NRG3: variants seen among roughly 807,000 people sequenced by gnomAD.
NRG3 encodes neuregulin 3.
Under a neutral mutation model 66.9 loss-of-function variants are expected in NRG3, and 31 were observed. The ratio of observed to expected loss-of-function variants is 0.46; its 90% CI spans 0.35 to 0.63. NRG3 has a LOEUF of 0.63. Ranked by LOEUF, NRG3 falls within the 20% of genes least tolerant of loss-of-function variation. The probability of loss-of-function intolerance (pLI) is 0.00; values close to 1 mark genes in which losing one functional copy is unlikely to be tolerated. For synonymous variants in NRG3, 393 were observed against 359.4 expected (o/e 1.09, Z -1.06); for missense variants, 910 against 878.9 (o/e 1.04, Z -0.45).
intron 1 of NRG3, among the ~76,000 whole-genome samples, chr10:82,220,837 AT>A (rs1423426967): frequency 1.3e-5 from 2 of 152,146 alleles, no homozygotes; most frequent in African/African-American, 4.8e-5. Flanking sequence ...CTACAAAAAA[AT>A]ATTTAAAAAT....
At chr10:82,160,433 A>G (rs1347113756) in intron 1 of NRG3, among the ~76,000 whole-genome samples, 1 of 151,978 alleles carries the variant, frequency 6.6e-6, no homozygotes, top group African/African-American at 2.4e-5. Context: ...TGTCATGGCT[A>G]TACAGATGAA....
intron 2 of NRG3, among the ~76,000 whole-genome samples, chr10:82,374,950 AC>A (rs1044454863): frequency 9.9e-5 from 15 of 152,206 alleles, no homozygotes; most frequent in African/African-American, 3.6e-4. Context: ...ATCTCTGGGC[AC>A]CTGCGACACA....
chr10:82,305,077 C>T (rs2080645911), intron 1 of NRG3, among the ~76,000 whole-genome samples: 1 of 144,352 alleles, frequency 6.9e-6, no homozygotes, highest in African/African-American at 2.6e-5. Flanking sequence ...TCACTGCAAG[C>T]TCCGCCTCCT....
At chr10:82,102,018 TACGCACAC>T (rs2066754546) in intron 1 of NRG3, among the ~76,000 whole-genome samples, 7 of 145,150 alleles carry the variant, frequency 4.8e-5, no homozygotes, top group Admixed American at 6.9e-5. Flanking sequence ...TATATATATA[TACGCACAC>T]ATATATATGC....
intron 2 of NRG3, among the ~76,000 whole-genome samples, chr10:82,677,378 A>G (rs1470548347): frequency 1.3e-5 from 2 of 152,104 alleles, no homozygotes; most frequent in East Asian, 3.9e-4. Context: ...GGGGTGGTTG[A>G]AAGTTTTGGG....
At chr10:82,134,959 C>G (rs1459377828) in intron 1 of NRG3, among the ~76,000 whole-genome samples, 1 of 151,626 alleles carries the variant, frequency 6.6e-6, no homozygotes, top group East Asian at 2.0e-4. Flanking sequence ...CTCATCTCTA[C>G]TAAAAAATAC....
At chr10:82,163,663 G>T (rs528509309) in intron 1 of NRG3, among the ~76,000 whole-genome samples, 1 of 152,248 alleles carries the variant, frequency 6.6e-6, no homozygotes, top group East Asian at 1.9e-4. Flanking sequence ...TCTCTGTGAA[G>T]GCTGAGGAGG....
intron 2 of NRG3, among the ~76,000 whole-genome samples, chr10:82,497,173 A>G (rs1843704125): frequency 6.6e-6 from 1 of 152,174 alleles, no homozygotes; most frequent in African/African-American, 2.4e-5. Context: ...GGCTCTCTTC[A>G]TCCTTCTCGT....
chr10:82,549,166 G>T (rs540045605), intron 2 of NRG3, among the ~76,000 whole-genome samples: 18 of 152,248 alleles, frequency 1.2e-4, no homozygotes, highest in Non-Finnish European at 1.6e-4. Context: ...CTCATTTGAA[G>T]ATTAGACAAA....
intron 2 of NRG3, among the ~76,000 whole-genome samples, chr10:82,545,112 AG>A (rs2043804893): frequency 6.6e-6 from 1 of 152,178 alleles, no homozygotes; most frequent in Non-Finnish European, 1.5e-5. Context: ...ACTGTGACCT[AG>A]AATACTCCTT....
intron 1 of NRG3, among the ~76,000 whole-genome samples, chr10:82,352,113 T>G (rs572760516): frequency 1.2e-4 from 18 of 152,344 alleles, no homozygotes; most frequent in African/African-American, 3.6e-4. Context: ...TGTGAGGATA[T>G]TCATTCAATA....
At chr10:82,967,251 A>G (rs1851298654) in intron 6 of NRG3, among the ~76,000 whole-genome samples, 1 of 151,470 alleles carries the variant, frequency 6.6e-6, no homozygotes, top group African/African-American at 2.4e-5. Flanking sequence ...AAGGTTGCAT[A>G]TAGACTAACA....
rs183253767 is a variant in NRG3 at position 82,382,330 on chromosome 10, G to A, written c.953+23462G>A. ...AAATGTTTTTATAATACTTCCTTTA[G>A]TAGCTTATAGGTTTTTATGGACTCA... is the stretch of plus-strand genomic sequence containing the variant. On this transcript the variant is annotated intron_variant, in intron 2 of 8. Transcript: ENST00000372141. 2.0e-5 allele frequency among the ~76,000 whole-genome samples: 3 copies of A among 151,752 alleles called. No individual in the cohort carries two copies. The East Asian group carries it at 5.8e-4, about 29-fold the overall frequency.
chr10:81,969,863 G>A (rs545888103), intron 1 of NRG3, among the ~76,000 whole-genome samples: 5 of 152,050 alleles, frequency 3.3e-5, no homozygotes, highest in Admixed American at 6.6e-5. Flanking sequence ...GTATTCCAAT[G>A]CCCGTTTTAA....
intron 1 of NRG3, chr10:82,225,627 A>G (rs2076130989): frequency 6.6e-6 from 1 of 152,216 alleles, no homozygotes; most frequent in Non-Finnish European, 1.5e-5. Context: ...ACAAATAATT[A>G]AACTCAGAGT....
At chr10:82,141,864 A>T (rs2069809715) in intron 1 of NRG3, among the ~76,000 whole-genome samples, 1 of 152,178 alleles carries the variant, frequency 6.6e-6, no homozygotes. Flanking sequence ...CTATTGCTAT[A>T]CTAACGCATT....
chr10:82,099,356 C>G (rs1489779296), intron 1 of NRG3, among the ~76,000 whole-genome samples: 7 of 152,112 alleles, frequency 4.6e-5, no homozygotes, highest in African/African-American at 1.7e-4. Context: ...GGAAAAATCA[C>G]TTGAACATAT....
chr10:82,908,783 T>A (rs1048791487), intron 4 of NRG3, among the ~76,000 whole-genome samples: 4 of 152,220 alleles, frequency 2.6e-5, no homozygotes, highest in African/African-American at 9.6e-5. Context: ...ATGCTCTCTG[T>A]TCACAATGAG....
At chr10:82,368,859 G>T (rs142406262) in intron 2 of NRG3, among the ~76,000 whole-genome samples, 2 of 138,490 alleles carry the variant, frequency 1.4e-5, no homozygotes, top group South Asian at 4.3e-4. Context: ...AGGCCCCGCC[G>T]TGCAAGCTTC....
Sources: allele counts gnomAD v4.1 joint callset (sites outside exome capture counted in the v4.1 genomes callset), GRCh38; gene constraint gnomAD v4.1.1; transcripts MANE v1.5; gene names NCBI Gene and HGNC (gene_info 2026-07-23, HGNC 2026-07-21).